The following TMEM233 variants were observed in gnomAD, a reference collection of about 807,000 sequenced individuals.
The protein encoded by TMEM233 is transmembrane protein 233.
A neutral mutation model predicts 11.2 loss-of-function variants in TMEM233; 6 were observed. That is an observed-to-expected ratio of 0.54 (90% CI 0.29 to 1.06). The LOEUF (loss-of-function observed/expected upper bound fraction) is 1.06. Ranked by LOEUF, TMEM233 falls within the 50% of genes least tolerant of loss-of-function variation. TMEM233 has a pLI of 0.08. For missense variants in TMEM233, 127 were observed against 144.7 expected (o/e 0.88, Z 0.63); for synonymous variants, 59 against 55.8 (o/e 1.06, Z -0.26).
chr12:119,609,968 A>G (rs1451874618), intron 1 of TMEM233, among the ~76,000 whole-genome samples: 1 of 152,208 alleles, frequency 6.6e-6, no homozygotes, highest in East Asian at 1.9e-4. Flanking sequence ...AGATCCATCA[A>G]TAGCTTGCAC....
chr12:119,643,351 T>C (rs1030008670), downstream of TMEM233, among the ~76,000 whole-genome samples: 5 of 152,232 alleles, frequency 3.3e-5, no homozygotes, highest in Non-Finnish European at 2.9e-5. Context: ...TGATTTTTGT[T>C]GGGCGTCCCC....
Position 119,607,529 on chromosome 12 carries a change from C to T in TMEM233, c.186+13495C>T, listed in dbSNP as rs927108086. ...CATAAAAAGTATGTAGACCTCATTTCTAGTCTGAAATGAGCATTTTTCTAA... is the reference window on the plus strand; with the variant it reads ...CATAAAAAGTATGTAGACCTCATTTTTAGTCTGAAATGAGCATTTTTCTAA... On this transcript the variant is annotated intron_variant, in intron 1 of 2. Coordinates refer to ENST00000426426, the MANE Select transcript of TMEM233 (RefSeq NM_001136534.3). Among the ~76,000 whole-genome samples the T allele has an allele frequency of 3.3e-5, 5 of 151,892 alleles. No homozygotes were observed. The South Asian group carries it at 8.3e-4, about 25-fold the overall frequency.
chr12:119,607,668 G>A (rs975733423), intron 1 of TMEM233, among the ~76,000 whole-genome samples: 2 of 151,620 alleles, frequency 1.3e-5, no homozygotes, highest in Non-Finnish European at 2.9e-5. Context: ...AAGTGCAGTG[G>A]TGCAAAAATG....
intron 1 of TMEM233, among the ~76,000 whole-genome samples, chr12:119,597,415 C>T (rs1954069191): frequency 6.6e-6 from 1 of 151,760 alleles, no homozygotes; most frequent in Admixed American, 6.6e-5. Context: ...TTGATATAAA[C>T]ATGGATGTGT....
At chr12:119,648,425 A>G in the TMEM233 span, among the ~76,000 whole-genome samples, 10 of 152,086 alleles carry the variant, frequency 6.6e-5, no homozygotes, top group African/African-American at 2.2e-4. Context: ...TCTTTTCCCC[A>G]TGTGCCCTTC....
chr12:119,604,457 C>T (rs1251753687), intron 1 of TMEM233, among the ~76,000 whole-genome samples: 7 of 152,286 alleles, frequency 4.6e-5, no homozygotes, highest in Middle Eastern at 3.4e-3. Context: ...CCACAGCACA[C>T]ATTTTGGGAA....
At chr12:119,631,323 C>T in intron 2 of TMEM233, 1 of 170,398 alleles carries the variant, frequency 5.9e-6, no homozygotes, top group Non-Finnish European at 1.2e-5. Context: ...TTTTGACATT[C>T]CAGATCAGCC....
chr12:119,593,938 C>G lies in TMEM233; in HGVS notation c.90C>G (p.Asp30Glu). ...CTGAAGATGACAAGACCGAGGAGGACGTGCCCATGCCCAAGAACTACCTGT... is the reference window on the plus strand; with the variant it reads ...CTGAAGATGACAAGACCGAGGAGGAGGTGCCCATGCCCAAGAACTACCTGT... ...ANTEDDKTEE[D>E]VPMPKNYLWL... Residue 30 changes from aspartate to glutamate, a missense_variant, in exon 1 of 3, where the codon GAC (aspartate) becomes GAG (glutamate). Asp to Glu is a conservative substitution (Grantham distance 45, BLOSUM62 2). Transcript: ENST00000426426. This position sits in a 1 kb window ranked among gnomAD's most constrained non-coding sequence, Gnocchi z 4.1. 6.4e-7 allele frequency: 1 copy of G among 1,551,736 alleles called. No homozygotes were observed. Among genetic ancestry groups the G allele is most frequent in the Non-Finnish European group, 8.7e-7 (1 of 1,146,988 alleles).
At chr12:119,639,686 A>G (rs1167169630) in intron 2 of TMEM233, among the ~76,000 whole-genome samples, 1 of 152,188 alleles carries the variant, frequency 6.6e-6, no homozygotes, top group Non-Finnish European at 1.5e-5. Context: ...GTTCCAGTCC[A>G]GGTGCTTCCT....
At chr12:119,605,762 TG>T (rs200023517) in intron 1 of TMEM233, among the ~76,000 whole-genome samples, 2,222 of 152,188 alleles carry the variant, frequency 0.015, 61 homozygotes, top group African/African-American at 0.051. Flanking sequence ...CAGCTTTGAT[TG>T]TTCTGGAAGC....
chr12:119,645,470 G>C (rs555092960), downstream of TMEM233, among the ~76,000 whole-genome samples: 1 of 152,246 alleles, frequency 6.6e-6, no homozygotes, highest in East Asian at 1.9e-4. Context: ...TTGAATTCTG[G>C]TTTGGACAAG....
At chr12:119,620,758 G>C (rs1338253624) in intron 1 of TMEM233, among the ~76,000 whole-genome samples, 2 of 152,136 alleles carry the variant, frequency 1.3e-5, no homozygotes, top group African/African-American at 4.8e-5. Flanking sequence ...AATCACGAAG[G>C]GGGAAAGGAA....
At chr12:119,626,484 A>AAAAT (rs566339529) in intron 1 of TMEM233, among the ~76,000 whole-genome samples, 1 of 112,576 alleles carries the variant, frequency 8.9e-6, no homozygotes, top group Non-Finnish European at 1.8e-5. Context: ...AAAAAAAAAA[A>AAAAT]AAGAAGAAAA....
intron 1 of TMEM233, among the ~76,000 whole-genome samples, chr12:119,598,936 T>G (rs1429131220): frequency 6.6e-6 from 1 of 152,202 alleles, no homozygotes; most frequent in Non-Finnish European, 1.5e-5. Context: ...ATGATGGTGA[T>G]GTAGATGATG....
intron 2 of TMEM233, among the ~76,000 whole-genome samples, chr12:119,635,985 T>C (rs1954964007): frequency 6.6e-6 from 1 of 152,200 alleles, no homozygotes; most frequent in African/African-American, 2.4e-5. Context: ...CTCCCAACCC[T>C]GTCCTTTTGG....
At chr12:119,613,845 C>G (rs987158783) in intron 1 of TMEM233, among the ~76,000 whole-genome samples, 2 of 151,962 alleles carry the variant, frequency 1.3e-5, no homozygotes, top group African/African-American at 4.8e-5. Context: ...GAGAAGGCTG[C>G]CCTGAAGGTG....
rs773602139 is a variant in TMEM233, at chr12:119,629,897, C to T, written c.323+25C>T. 12 of 1,544,506 alleles carry T rather than the reference C, an allele frequency of 7.8e-6. No homozygotes were observed. The South Asian group carries it at 1.3e-4, about 17-fold the overall frequency. On this transcript the variant is annotated intron_variant, in intron 2 of 2. Coordinates refer to ENST00000426426, the MANE Select transcript of TMEM233 (RefSeq NM_001136534.3). ...AGTAAGTAGGCTTTTTGAATCCCTC[C>T]CCATGTCAAACGCCCTTTCTCGAAC...
Position 119,595,187 on chromosome 12 carries a change from C to T in TMEM233, c.186+1153C>T, listed in dbSNP as rs181522548. On this transcript the variant is annotated intron_variant, in intron 1 of 2. Coordinates refer to ENST00000426426, the MANE Select transcript of TMEM233 (RefSeq NM_001136534.3). This position sits in a 1 kb window ranked among gnomAD's most constrained non-coding sequence, Gnocchi z 4.3. ...GCCTTATTGACTGCAGCAGCTGGCC[C>T]GGGGGTGGCGGCGGGGTGAGGTTCG... 8.9e-4 allele frequency among the ~76,000 whole-genome samples: 136 copies of T among 152,334 alleles called. 1 individual carries two copies. The highest frequency in any genetic ancestry group is 2.9e-3 in the African/African-American group (122 of 41,590).
At chr12:119,614,390 G>A (rs556112864) in intron 1 of TMEM233, among the ~76,000 whole-genome samples, 1 of 151,062 alleles carries the variant, frequency 6.6e-6, no homozygotes, top group South Asian at 2.1e-4. Flanking sequence ...CTGGGTGAGA[G>A]AGAGAGAGAC....
Sources: allele counts gnomAD v4.1 joint callset (sites outside exome capture counted in the v4.1 genomes callset), GRCh38; gene constraint gnomAD v4.1.1; non-coding constraint Gnocchi (gnomAD v3.1); transcripts MANE v1.5; gene names NCBI Gene and HGNC (gene_info 2026-07-23, HGNC 2026-07-21).